CNTNAP2: variants seen among roughly 807,000 people sequenced by gnomAD.
CNTNAP2 encodes the protein contactin associated protein 2, also known as contactin-associated protein-like 2.
A neutral mutation model predicts 155.2 loss-of-function variants in CNTNAP2; 98 were observed. That is an observed-to-expected ratio of 0.63 (90% CI 0.54 to 0.75). CNTNAP2 has a LOEUF of 0.75. Ranked by LOEUF, CNTNAP2 falls within the 30% of genes least tolerant of loss-of-function variation. The pLI is 0.00. For missense variants in CNTNAP2, 1,727 were observed against 1,688.1 expected (o/e 1.02, Z -0.40); for synonymous variants, 651 against 631.2 (o/e 1.03, Z -0.47).
At chr7:148,123,688 AAGAAAG>A (rs1161939400) in intron 16 of CNTNAP2, among the ~76,000 whole-genome samples, 1 of 142,136 alleles carries the variant, frequency 7.0e-6, no homozygotes, top group Non-Finnish European at 1.5e-5. Context: ...AGGAAGGAAA[AAGAAAG>A]AGAAAGAGAG....
chr7:147,010,994 TG>T (rs1270145337), intron 3 of CNTNAP2, among the ~76,000 whole-genome samples: 1 of 152,114 alleles, frequency 6.6e-6, no homozygotes, highest in Non-Finnish European at 1.5e-5. Context: ...ATTAATATCC[TG>T]CCCCATCTGA....
At chr7:146,897,117 A>C (rs78937417) in intron 3 of CNTNAP2, among the ~76,000 whole-genome samples, 2,714 of 152,258 alleles carry the variant, frequency 0.018, 67 homozygotes, top group African/African-American at 0.061. Flanking sequence ...GACAAAAGTC[A>C]AAACGTCACT....
At chr7:147,881,208 G>A (rs1799514900) in intron 13 of CNTNAP2, among the ~76,000 whole-genome samples, 1 of 152,198 alleles carries the variant, frequency 6.6e-6, no homozygotes, top group African/African-American at 2.4e-5. Flanking sequence ...GTGTTTTGTT[G>A]AAAGGCCAAA....
At chr7:146,994,421 T>C (rs1431891948) in intron 3 of CNTNAP2, among the ~76,000 whole-genome samples, 1 of 152,144 alleles carries the variant, frequency 6.6e-6, no homozygotes, top group Non-Finnish European at 1.5e-5. Flanking sequence ...ACGTGATGAA[T>C]TCTTAAGAAT....
At chr7:148,262,845 G>A (rs1796588403) in intron 20 of CNTNAP2, among the ~76,000 whole-genome samples, 1 of 152,120 alleles carries the variant, frequency 6.6e-6, no homozygotes, top group Non-Finnish European at 1.5e-5. Flanking sequence ...GTGTCACATG[G>A]TCAGGTCCTG....
In CNTNAP2 at chr7:146,910,497, G is replaced by A. The variant is rs1331733820; in HGVS notation, c.402+70593G>A. Among the ~76,000 whole-genome samples the A allele has an allele frequency of 8.0e-5, 12 of 150,638 alleles. No homozygotes were observed. The East Asian group carries it at 1.7e-3, about 22-fold the overall frequency. ...ACAGAACAGAGCCCTCAGAAATAAC[G>A]CCACATACCTACAACTATCTGATCT... is the stretch of plus-strand genomic sequence containing the variant. On this transcript the variant is annotated intron_variant, in intron 3 of 23. Transcript: ENST00000361727.
intron 1 of CNTNAP2, among the ~76,000 whole-genome samples, chr7:146,171,847 TTTAAA>T (rs1388831672): frequency 1.3e-5 from 2 of 152,072 alleles, no homozygotes; most frequent in Non-Finnish European, 2.9e-5. Context: ...GGTAACAAAG[TTTAAA>T]TTAATTAAAA....
At chr7:146,265,530 C>T (rs189875819) in intron 1 of CNTNAP2, among the ~76,000 whole-genome samples, 17 of 150,006 alleles carry the variant, frequency 1.1e-4, no homozygotes, top group Admixed American at 1.0e-3. Context: ...GTGATCTCAG[C>T]TCGCTACAAC....
chr7:147,770,710 G>T (rs532196233), intron 13 of CNTNAP2, among the ~76,000 whole-genome samples: 1 of 152,206 alleles, frequency 6.6e-6, no homozygotes, highest in Admixed American at 6.5e-5. Flanking sequence ...AGATATAAAA[G>T]ATCGAAATAA....
At chr7:147,239,230 G>A (rs546547602) in intron 8 of CNTNAP2, among the ~76,000 whole-genome samples, 77 of 152,018 alleles carry the variant, frequency 5.1e-4, no homozygotes, top group African/African-American at 1.4e-3. Flanking sequence ...GCTCACTTTC[G>A]GGTGTGGTGG....
intron 13 of CNTNAP2, among the ~76,000 whole-genome samples, chr7:147,751,081 T>A (rs2030760): frequency 0.79 from 119,325 of 150,114 alleles, 47,497 homozygotes; most frequent in East Asian, 0.96. Context: ...TAAAATAAAT[T>A]AAAAAAAATT....
At position 146,954,490 on chromosome 7, in the gene CNTNAP2, A is replaced by T. The variant is rs973625395; in HGVS notation, c.403-89417A>T. Among the ~76,000 whole-genome samples the T allele has an allele frequency of 5.3e-5, 8 of 152,074 alleles. No homozygotes were observed. The South Asian group carries it at 8.3e-4, about 16-fold the overall frequency. ...CATACTTCTTTACGTAAATATTCTT[A>T]CTTCTGGAAAAGAATTGTTGAATCA... is the stretch of plus-strand genomic sequence containing the variant. On this transcript the variant is annotated intron_variant, in intron 3 of 23. Coordinates refer to ENST00000361727, the MANE Select transcript of CNTNAP2 (RefSeq NM_014141.6).
At chr7:147,595,607 T>C (rs1260694249) in intron 12 of CNTNAP2, among the ~76,000 whole-genome samples, 4 of 152,236 alleles carry the variant, frequency 2.6e-5, no homozygotes, top group African/African-American at 9.6e-5. Flanking sequence ...TTCTTCATCT[T>C]GCTTTCCATA....
chr7:147,235,535 C>T (rs894281368), intron 8 of CNTNAP2, among the ~76,000 whole-genome samples: 1 of 151,992 alleles, frequency 6.6e-6, no homozygotes, highest in African/African-American at 2.4e-5. Context: ...AATATAAATG[C>T]CTTCTCCTAA....
chr7:147,281,241 C>G (rs946926016), intron 8 of CNTNAP2, among the ~76,000 whole-genome samples: 5 of 151,718 alleles, frequency 3.3e-5, no homozygotes, highest in African/African-American at 1.2e-4. Context: ...ATTTTTATAA[C>G]GAATCATCAG....
At chr7:147,029,901 A>G (rs1248087147) in intron 3 of CNTNAP2, among the ~76,000 whole-genome samples, 1 of 152,324 alleles carries the variant, frequency 6.6e-6, no homozygotes, top group African/African-American at 2.4e-5. Context: ...AATTTTGTTG[A>G]TTGTATGCTT....
chr7:146,965,137 A>C (rs1030751766), intron 3 of CNTNAP2, among the ~76,000 whole-genome samples: 2 of 152,150 alleles, frequency 1.3e-5, no homozygotes, highest in South Asian at 2.1e-4. Context: ...GGTGGGGTCC[A>C]TGTGTACAGA....
rs36231370 is a variant in CNTNAP2 at position 146,885,928 on chromosome 7, GGTGTGTGTGTGTGT to G, written c.402+46057_402+46070del. ...CTTTAACTCTGAATATATGTAAGTC[GGTGTGTGTGTGTGT>G]GTGTGTGTGTGTGTGTGTGTGTGTG... On this transcript the variant is annotated intron_variant, in intron 3 of 23. Coordinates refer to ENST00000361727, the MANE Select transcript of CNTNAP2 (RefSeq NM_014141.6). Among the ~76,000 whole-genome samples, 856 of 141,928 alleles carry G rather than the reference GGTGTGTGTGTGTGT, an allele frequency of 6.0e-3. 10 individuals are homozygous for G. Among genetic ancestry groups the G allele is most frequent in the African/African-American group, 0.019 (710 of 38,246 alleles). The allele number at this position is 141,928 out of a possible 152,430, so 93.1% of individuals were successfully genotyped here. A position where few individuals can be genotyped will look rare whatever the true frequency, so the allele number is the denominator to read the frequency against.
At chr7:147,978,973 G>A (rs894831988) in intron 15 of CNTNAP2, among the ~76,000 whole-genome samples, 12 of 152,136 alleles carry the variant, frequency 7.9e-5, no homozygotes, top group African/African-American at 2.9e-4. Context: ...TCCTAGCAAA[G>A]CATTATGTGA....
Sources: gnomAD v4.1 joint callset for allele counts (sites outside exome capture counted in the v4.1 genomes callset) on GRCh38, gnomAD v4.1.1 for gene constraint, MANE v1.5 for transcripts, NCBI Gene and HGNC (gene_info 2026-07-23, HGNC 2026-07-21) for gene names.